PITPNM3: variants seen among roughly 807,000 people sequenced by gnomAD.
PITPNM3 encodes the protein membrane-associated phosphatidylinositol transfer protein 3.
PITPNM3 carries 26 observed loss-of-function variants against 102.0 expected under a neutral mutation model. That is an observed-to-expected ratio of 0.25 (90% CI 0.19 to 0.35). The LOEUF is 0.35. PITPNM3 is among the 10% of genes least tolerant of loss of function. The probability of loss-of-function intolerance (pLI) is 1.00; values close to 1 mark genes in which losing one functional copy is unlikely to be tolerated. For synonymous variants in PITPNM3, 578 were observed against 558.6 expected (o/e 1.03, Z -0.49); for missense variants, 1,083 against 1,346.1 (o/e 0.80, Z 3.06).
chr17:6,477,937 G>A, intron 8 of PITPNM3, 38 bp downstream of exon 8: 1 of 1,607,750 alleles, frequency 6.2e-7, no homozygotes, highest in Non-Finnish European at 8.5e-7. Flanking sequence ...CTGCTCCTAT[G>A]GGCATACCCC....
At chr17:6,554,122 C>T (rs1910466244) in intron 1 of PITPNM3, among the ~76,000 whole-genome samples, 1 of 151,746 alleles carries the variant, frequency 6.6e-6, no homozygotes, top group African/African-American at 2.4e-5. Flanking sequence ...AGTTCAAAAC[C>T]AGCCTGGCCA....
At chr17:6,491,053 G>A (rs1906435637) in intron 4 of PITPNM3, among the ~76,000 whole-genome samples, 1 of 63,532 alleles carries the variant, frequency 1.6e-5, no homozygotes, top group South Asian at 1.1e-3. Flanking sequence ...GGGGAGGAGA[G>A]GAAAGGGGAG....
chr17:6,512,254 G>A (rs1343868297), intron 3 of PITPNM3, among the ~76,000 whole-genome samples: 4 of 152,172 alleles, frequency 2.6e-5, no homozygotes, highest in African/African-American at 9.7e-5. Flanking sequence ...CCAATAATTC[G>A]ATGACAGCAG....
chr17:6,483,437 G>A lies in PITPNM3; in HGVS notation c.587+80C>T, dbSNP rs1444658647. The stretch of plus-strand genomic sequence containing the variant: ...CTTGCAGGTACCCACCTGCCCACGG[G>A]GTCCATGCTGCAGGGGGAGCCCCTC... On this transcript the variant is annotated intron_variant, in intron 6 of 19. Transcript: ENST00000262483. The A allele has an allele frequency of 2.9e-6, 4 of 1,374,864 alleles. No individual in the cohort carries two copies. In the East Asian group the frequency reaches 9.9e-5, roughly 34 times the overall value. The allele number at this position is 1,374,864 out of a possible 1,614,324, so 85.2% of individuals were successfully genotyped here.
At chr17:6,555,393 G>A (rs2150688750) in intron 1 of PITPNM3, among the ~76,000 whole-genome samples, 1 of 152,328 alleles carries the variant, frequency 6.6e-6, no homozygotes, top group African/African-American at 2.4e-5. Flanking sequence ...TCACTGTCGC[G>A]CCCGGTCCTG....
chr17:6,515,672 T>C (rs1023636698), intron 3 of PITPNM3, among the ~76,000 whole-genome samples: 6 of 152,048 alleles, frequency 3.9e-5, no homozygotes, highest in Admixed American at 2.0e-4. Context: ...TCACCTATGA[T>C]CTTTGGCTGA....
chr17:6,500,239 T>G (rs1431336923), intron 4 of PITPNM3, among the ~76,000 whole-genome samples: 1 of 152,226 alleles, frequency 6.6e-6, no homozygotes, highest in African/African-American at 2.4e-5. Flanking sequence ...CAATTTGTTT[T>G]TAGTGAGTTT....
At chr17:6,502,036 T>C (rs1907211726) in intron 4 of PITPNM3, among the ~76,000 whole-genome samples, 2 of 152,250 alleles carry the variant, frequency 1.3e-5, no homozygotes, top group Admixed American at 1.3e-4. Flanking sequence ...TGCCCTGCCC[T>C]TTCCATGGCC....
At chr17:6,513,241 G>C (rs934915572) in intron 3 of PITPNM3, among the ~76,000 whole-genome samples, 24 of 151,934 alleles carry the variant, frequency 1.6e-4, no homozygotes, top group Non-Finnish European at 3.4e-4. Context: ...CCTAAGATCA[G>C]GAATAAAACA....
Position 6,472,868 on chromosome 17 carries a change from A to G in PITPNM3, c.1259-41T>C. On this transcript the variant is annotated intron_variant, in intron 10 of 19. Transcript: ENST00000262483. This position sits in a 1 kb window ranked among gnomAD's most constrained non-coding sequence, Gnocchi z 4.1. ...AGACAGAGGGAAGCCACTTTCTAGT[A>G]CCTGCTCCCTGGGCCCTAGGAGGCT... is the stretch of plus-strand genomic sequence containing the variant. 1 of 1,609,262 alleles carries G rather than the reference A, an allele frequency of 6.2e-7. No homozygotes were observed. Among genetic ancestry groups the G allele is most frequent in the Non-Finnish European group, 8.5e-7 (1 of 1,177,240 alleles).
Position 6,508,296 on chromosome 17 carries a change from G to A in PITPNM3, c.227-4722C>T, listed in dbSNP as rs369233507. Among the ~76,000 whole-genome samples the A allele has an allele frequency of 5.3e-5, 8 of 152,240 alleles. No homozygotes were observed. In the East Asian group the frequency reaches 5.8e-4, roughly 11 times the overall value. On this transcript the variant is annotated intron_variant, in intron 3 of 19. Transcript: ENST00000262483. ...AGCCTTGAAGGCTGCACCTGGGCAC[G>A]CAGGTGCTTTCTGGCTTGCCTAGTG...
intron 2 of PITPNM3, among the ~76,000 whole-genome samples, chr17:6,535,093 T>A (rs1909340890): frequency 1.3e-5 from 2 of 152,024 alleles, no homozygotes; most frequent in South Asian, 4.2e-4. Flanking sequence ...GATGTCTGAG[T>A]GGGGCTGGAT....
At chr17:6,554,986 C>T (rs1339733756) in intron 1 of PITPNM3, among the ~76,000 whole-genome samples, 1 of 152,228 alleles carries the variant, frequency 6.6e-6, no homozygotes, top group Non-Finnish European at 1.5e-5. Flanking sequence ...CACACTCACA[C>T]ACACACAGGG....
chr17:6,537,941 C>T lies in PITPNM3; in HGVS notation c.118+46G>A, dbSNP rs761695315. ...AAATGGGATCTTCTTCTTGAGGCTT[C>T]TAGGAAGGTCACCCAGCCAGTGATA... On this transcript the variant is annotated intron_variant, in intron 2 of 19. Transcript: ENST00000262483. This position sits in a 1 kb window ranked among gnomAD's most constrained non-coding sequence, Gnocchi z 4.4. The T allele has an allele frequency of 8.5e-6, 13 of 1,523,128 alleles. No individual in the cohort carries two copies. Among genetic ancestry groups the T allele is most frequent in the Non-Finnish European group, 1.1e-5 (12 of 1,099,850 alleles). The allele number at this position is 1,523,128 out of a possible 1,614,324, so 94.4% of individuals were successfully genotyped here. A position where few individuals can be genotyped will look rare whatever the true frequency, so the allele number is the denominator to read the frequency against.
At chr17:6,508,161 C>A (rs1272758072) in intron 3 of PITPNM3, among the ~76,000 whole-genome samples, 1 of 152,096 alleles carries the variant, frequency 6.6e-6, no homozygotes, top group Admixed American at 6.5e-5. Flanking sequence ...CCTGGAAACG[C>A]CAGTGCGCAA....
At chr17:6,488,892 T>G (rs1197353856) in intron 4 of PITPNM3, among the ~76,000 whole-genome samples, 1 of 152,224 alleles carries the variant, frequency 6.6e-6, no homozygotes, top group Non-Finnish European at 1.5e-5. Flanking sequence ...AGTGCCCAGA[T>G]TTGGGGTGGG....
intron 4 of PITPNM3, among the ~76,000 whole-genome samples, chr17:6,495,836 A>G (rs976444632): frequency 7.2e-5 from 11 of 152,154 alleles, no homozygotes; most frequent in Non-Finnish European, 1.2e-4. Flanking sequence ...TTACAGAAAA[A>G]CAAAGGAAAG....
intron 2 of PITPNM3, among the ~76,000 whole-genome samples, chr17:6,532,352 A>G (rs1311658079): frequency 6.6e-6 from 1 of 152,120 alleles, no homozygotes; most frequent in Non-Finnish European, 1.5e-5. Flanking sequence ...TTGACATTCC[A>G]TCAACTACAC....
Position 6,469,742 on chromosome 17 carries a change from G to A in PITPNM3, c.1773+518C>T, listed in dbSNP as rs887175118. Among the ~76,000 whole-genome samples, 1 of 152,120 alleles carries A rather than the reference G, an allele frequency of 6.6e-6. No individual in the cohort carries two copies. Among genetic ancestry groups the A allele is most frequent in the African/African-American group, 2.4e-5 (1 of 41,426 alleles). On this transcript the variant is annotated intron_variant, in intron 13 of 19. Transcript: ENST00000262483. This position sits in a 1 kb window ranked among gnomAD's most constrained non-coding sequence, Gnocchi z 4.0. ...TCAGGGTTTCCTTCAAAAAACACAAGCCAGTTGCTATTTCTTCCTTGCTCA... is the reference window on the plus strand; with the variant it reads ...TCAGGGTTTCCTTCAAAAAACACAAACCAGTTGCTATTTCTTCCTTGCTCA...
Sources: gnomAD v4.1 joint callset for allele counts (sites outside exome capture counted in the v4.1 genomes callset) on GRCh38, gnomAD v4.1.1 for gene constraint, Gnocchi (gnomAD v3.1) non-coding constraint, MANE v1.5 for transcripts, NCBI Gene and HGNC (gene_info 2026-07-23, HGNC 2026-07-21) for gene names.